GRID1: variants seen among roughly 807,000 people sequenced by gnomAD.
GRID1 encodes the protein glutamate ionotropic receptor delta type subunit 1.
Under a neutral mutation model 98.0 loss-of-function variants are expected in GRID1, and 28 were observed. That is an observed-to-expected ratio of 0.29 (90% CI 0.21 to 0.39). GRID1 has a LOEUF of 0.39. Among genes scored for constraint, GRID1 ranks in the 10% least tolerant of loss-of-function variants. The probability of loss-of-function intolerance (pLI) is 1.00; values close to 1 mark genes in which losing one functional copy is unlikely to be tolerated. For synonymous variants in GRID1, 553 were observed against 538.5 expected, an observed-to-expected ratio of 1.03 and a Z score of -0.37; for missense variants, 1,111 against 1,340.5, an observed-to-expected ratio of 0.83 and a Z score of 2.67.
At chr10:86,145,113 T>C (rs1589387036) in intron 3 of GRID1, among the ~76,000 whole-genome samples, 1 of 152,358 alleles carries the variant, frequency 6.6e-6, no homozygotes, top group South Asian at 2.1e-4. Context: ...AAGAAATTAA[T>C]ATCCTCAAAA....
intron 12 of GRID1, among the ~76,000 whole-genome samples, chr10:85,681,155 T>A (rs546427127): frequency 1.3e-4 from 20 of 151,860 alleles, no homozygotes; most frequent in African/African-American, 4.8e-4. Flanking sequence ...AAGAAAGAAA[T>A]CCCTAATCTC....
At chr10:85,998,021 C>A (rs1842760967) in intron 4 of GRID1, among the ~76,000 whole-genome samples, 1 of 152,084 alleles carries the variant, frequency 6.6e-6, no homozygotes, top group Non-Finnish European at 1.5e-5. Flanking sequence ...ACTGGAGGAA[C>A]TAAAATGACA....
chr10:86,141,039 C>T (rs1845003657), intron 3 of GRID1, among the ~76,000 whole-genome samples: 2 of 152,072 alleles, frequency 1.3e-5, no homozygotes, highest in Admixed American at 1.3e-4. Flanking sequence ...TGTGACCAAA[C>T]CCACTGGCTT....
In GRID1 at chr10:86,195,566, C is replaced by T. The variant is rs528227584; in HGVS notation, c.520+10798G>A. The stretch of plus-strand genomic sequence containing the variant: ...GACAATGCAACCTGAAACAATCAAA[C>T]CAAAAATCAGAGGCAGCGTGCCAGG... On this transcript the variant is annotated intron_variant, in intron 3 of 15. Coordinates refer to ENST00000327946, the MANE Select transcript of GRID1 (RefSeq NM_017551.3). This position sits in a 1 kb window ranked among gnomAD's most constrained non-coding sequence, Gnocchi z 4.4. Among the ~76,000 whole-genome samples the T allele has an allele frequency of 6.6e-6, 1 of 152,110 alleles. No homozygotes were observed. The highest frequency in any genetic ancestry group is 1.5e-5 in the Non-Finnish European group (1 of 67,980).
At chr10:85,871,050 C>CA (rs1312814950) in intron 5 of GRID1, among the ~76,000 whole-genome samples, 1 of 152,108 alleles carries the variant, frequency 6.6e-6, no homozygotes, top group Non-Finnish European at 1.5e-5. Flanking sequence ...GGAACTACAA[C>CA]AAAAATGGAA....
chr10:86,197,522 G>A lies in GRID1; in HGVS notation c.520+8842C>T, dbSNP rs150808999. ...GTGGAGCAAAGGAGGTCTGGGGAGT[G>A]TGGGTCTGGCAGGAGGGGGATATCA... On this transcript the variant is annotated intron_variant, in intron 3 of 15. Coordinates refer to ENST00000327946, the MANE Select transcript of GRID1 (RefSeq NM_017551.3). Among the ~76,000 whole-genome samples, 575 of 152,202 alleles carry A rather than the reference G, an allele frequency of 3.8e-3. 5 individuals carry two copies. The highest frequency in any genetic ancestry group is 6.8e-3 in the Middle Eastern group (2 of 294).
rs568441070 is a variant in GRID1 at position 85,850,973 on chromosome 10, C to G, written c.1233+3523G>C. Among the ~76,000 whole-genome samples, 6 of 152,282 alleles carry G rather than the reference C, an allele frequency of 3.9e-5. No individual in the cohort carries two copies. In the South Asian group the frequency reaches 1.2e-3, roughly 32 times the overall value. On this transcript the variant is annotated intron_variant, in intron 8 of 15. Transcript: ENST00000327946. Reference sequence around the variant, plus strand: ...TAACAGTTCCTGCCCGCTCCCTACACCCAGCAGCTTCCCACACACACCACC... The same window carrying G: ...TAACAGTTCCTGCCCGCTCCCTACAGCCAGCAGCTTCCCACACACACCACC...
chr10:85,694,831 T>G (rs1841376246), intron 12 of GRID1, among the ~76,000 whole-genome samples: 1 of 148,916 alleles, frequency 6.7e-6, no homozygotes, highest in South Asian at 2.1e-4. Flanking sequence ...GGGAGGGAGG[T>G]GACAATGAGA....
At chr10:85,640,162 G>C (rs1012669084) in intron 13 of GRID1, among the ~76,000 whole-genome samples, 1 of 152,216 alleles carries the variant, frequency 6.6e-6, no homozygotes, top group South Asian at 2.1e-4. Context: ...TTGAATGGAT[G>C]AGTAAGTTCA....
chr10:86,353,411 T>C (rs1040402098), intron 2 of GRID1, among the ~76,000 whole-genome samples: 13 of 152,248 alleles, frequency 8.5e-5, no homozygotes, highest in African/African-American at 2.7e-4. Context: ...TCCTTGTGTA[T>C]GTATGCATGT....
intron 5 of GRID1, among the ~76,000 whole-genome samples, chr10:85,907,495 G>C (rs1305679595): frequency 6.6e-6 from 1 of 152,198 alleles, no homozygotes; most frequent in Admixed American, 6.5e-5. Context: ...AGAACAAATA[G>C]ATAGCTCTAT....
intron 12 of GRID1, among the ~76,000 whole-genome samples, chr10:85,652,329 T>G (rs192479702): frequency 6.6e-6 from 1 of 152,358 alleles, no homozygotes; most frequent in Non-Finnish European, 1.5e-5. Context: ...CTTTGCATGT[T>G]ACAAAAATAT....
chr10:86,289,387 T>C (rs1318013908), intron 2 of GRID1, among the ~76,000 whole-genome samples: 2 of 151,916 alleles, frequency 1.3e-5, no homozygotes, highest in Non-Finnish European at 2.9e-5. Context: ...GAAGCAGTCA[T>C]CACCCCTTCA....
intron 15 of GRID1, 56 bp downstream of exon 15, chr10:85,613,351 G>A: frequency 6.4e-7 from 1 of 1,552,824 alleles, no homozygotes; most frequent in Non-Finnish European, 8.7e-7. Context: ...CAATGGCCCA[G>A]TGTGACACTC....
At chr10:85,699,768 C>A (rs1276818968) in intron 12 of GRID1, among the ~76,000 whole-genome samples, 1 of 152,122 alleles carries the variant, frequency 6.6e-6, no homozygotes, top group African/African-American at 2.4e-5. Context: ...TGAATCTGTG[C>A]AGATTTGTGG....
At chr10:86,238,947 T>C (rs1333779205) in intron 2 of GRID1, among the ~76,000 whole-genome samples, 1 of 151,668 alleles carries the variant, frequency 6.6e-6, no homozygotes, top group Non-Finnish European at 1.5e-5. Context: ...CTACACAGAG[T>C]CTCCACTGGG....
intron 8 of GRID1, among the ~76,000 whole-genome samples, chr10:85,837,411 C>T (rs925948834): frequency 6.6e-6 from 1 of 152,206 alleles, no homozygotes; most frequent in Non-Finnish European, 1.5e-5. Flanking sequence ...TGCTAACACT[C>T]TGTTGCAGCT....
At chr10:86,032,123 G>T (rs1843193919) in intron 4 of GRID1, among the ~76,000 whole-genome samples, 1 of 152,238 alleles carries the variant, frequency 6.6e-6, no homozygotes, top group Non-Finnish European at 1.5e-5. Flanking sequence ...CATGACAAAG[G>T]GGGCTTAGTC....
intron 12 of GRID1, among the ~76,000 whole-genome samples, chr10:85,681,939 G>A (rs774776204): frequency 5.9e-5 from 9 of 151,852 alleles, no homozygotes; most frequent in Admixed American, 6.6e-5. Flanking sequence ...TTTCTTCCCC[G>A]GCACAGCACA....
Sources: allele counts gnomAD v4.1 joint callset (sites outside exome capture counted in the v4.1 genomes callset), GRCh38; gene constraint gnomAD v4.1.1; non-coding constraint Gnocchi (gnomAD v3.1); transcripts MANE v1.5; gene names NCBI Gene and HGNC (gene_info 2026-07-23, HGNC 2026-07-21).